Variants in NELL1 observed in about 807,000 individuals in gnomAD.
NELL1 encodes protein kinase C-binding protein NELL1.
In NELL1, 76 loss-of-function variants were observed where a neutral mutation model predicts 107.4. The observed-to-expected ratio is 0.71, with a 90% CI of 0.59 to 0.86. NELL1 has a LOEUF of 0.86. Ranked by LOEUF, NELL1 falls within the 40% of genes least tolerant of loss-of-function variation. NELL1 has a pLI of 0.00. For synonymous variants in NELL1, 353 were observed against 341.2 expected (o/e 1.03, Z -0.38); for missense variants, 1,024 against 1,005.5 (o/e 1.02, Z -0.25).
chr11:21,245,571 C>T (rs965491802), intron 14 of NELL1, among the ~76,000 whole-genome samples: 1 of 152,182 alleles, frequency 6.6e-6, no homozygotes, highest in Non-Finnish European at 1.5e-5. Flanking sequence ...GAATATCACT[C>T]TCTGTCCTGG....
intron 12 of NELL1, among the ~76,000 whole-genome samples, chr11:21,005,069 G>A (rs1852300942): frequency 6.6e-6 from 1 of 152,092 alleles, no homozygotes; most frequent in South Asian, 2.1e-4. Context: ...ATTTGTTTTA[G>A]CTATAGCCCT....
chr11:21,451,404 G>GT (rs1564900501), intron 15 of NELL1, among the ~76,000 whole-genome samples: 1 of 151,992 alleles, frequency 6.6e-6, no homozygotes, highest in African/African-American at 2.4e-5. Context: ...ACTATTAAGT[G>GT]TTAGATTTAG....
intron 13 of NELL1, among the ~76,000 whole-genome samples, chr11:21,116,500 A>G (rs887406175): frequency 1.3e-5 from 2 of 152,028 alleles, no homozygotes; most frequent in African/African-American, 2.4e-5. Flanking sequence ...ACATGTACAC[A>G]TAGATGCTTA....
chr11:21,219,645 A>G (rs1472807412), intron 13 of NELL1, among the ~76,000 whole-genome samples: 1 of 152,106 alleles, frequency 6.6e-6, no homozygotes, highest in Non-Finnish European at 1.5e-5. Context: ...CTTTGAGTTG[A>G]TTTTTGTATA....
At chr11:21,449,409 AGTT>A (rs1485502752) in intron 15 of NELL1, among the ~76,000 whole-genome samples, 6 of 152,004 alleles carry the variant, frequency 3.9e-5, no homozygotes, top group South Asian at 2.1e-4. Flanking sequence ...ATAAAAATGG[AGTT>A]GTTTTCTTTT....
At chr11:21,024,490 T>A (rs1182574526) in intron 12 of NELL1, among the ~76,000 whole-genome samples, 1 of 152,124 alleles carries the variant, frequency 6.6e-6, no homozygotes, top group Non-Finnish European at 1.5e-5. Flanking sequence ...TTAGTTAAAA[T>A]TTATTGTTCA....
intron 3 of NELL1, among the ~76,000 whole-genome samples, chr11:20,785,127 A>G (rs1482351076): frequency 1.3e-5 from 2 of 152,208 alleles, no homozygotes; most frequent in African/African-American, 4.8e-5. Flanking sequence ...GTGAAGAAAT[A>G]TAGAGAAATG....
intron 14 of NELL1, among the ~76,000 whole-genome samples, chr11:21,301,502 T>C (rs187025338): frequency 5.3e-4 from 80 of 152,354 alleles, no homozygotes; most frequent in Admixed American, 5.1e-3. Flanking sequence ...CCAGTGATGA[T>C]GAGCATTTTT....
chr11:20,914,002 T>C (rs142275805), intron 5 of NELL1, among the ~76,000 whole-genome samples: 277 of 152,186 alleles, frequency 1.8e-3, no homozygotes, highest in African/African-American at 6.4e-3. Context: ...TAAAATCTCA[T>C]TTTGATAACA....
chr11:20,870,372 A>G (rs1388694280), intron 4 of NELL1, among the ~76,000 whole-genome samples: 1 of 151,666 alleles, frequency 6.6e-6, no homozygotes, highest in East Asian at 1.9e-4. Context: ...TTTATCATTC[A>G]TTTGGTCTTG....
At chr11:21,161,326 C>T (rs1307174600) in intron 13 of NELL1, among the ~76,000 whole-genome samples, 1 of 152,092 alleles carries the variant, frequency 6.6e-6, no homozygotes, top group African/African-American at 2.4e-5. Flanking sequence ...TCATTTGAGG[C>T]CAGGAGTTCA....
At position 21,574,952 on chromosome 11, in the gene NELL1, C is replaced by T. The variant is rs1857186994; in HGVS notation, c.2383-20C>T. 6.2e-7 allele frequency: 1 copy of T among 1,606,930 alleles called. No individual in the cohort carries two copies. The highest frequency in any genetic ancestry group is 1.3e-5 in the African/African-American group (1 of 74,624). The stretch of plus-strand genomic sequence containing the variant: ...TATTCCATGTCTCAACTGGCTAACA[C>T]ATGTTTCTTTGATGTACAGAATGGA... On this transcript the variant is annotated intron_variant, in intron 19 of 19. Coordinates refer to ENST00000357134, the MANE Select transcript of NELL1 (RefSeq NM_006157.5).
chr11:21,403,403 T>C (rs1852145500), intron 15 of NELL1, among the ~76,000 whole-genome samples: 1 of 151,662 alleles, frequency 6.6e-6, no homozygotes, highest in Admixed American at 6.6e-5. Context: ...TAGTAACTAT[T>C]TTTCACATTA....
intron 13 of NELL1, among the ~76,000 whole-genome samples, chr11:21,176,206 G>A (rs1856708168): frequency 1.3e-5 from 2 of 151,844 alleles, no homozygotes; most frequent in Non-Finnish European, 2.9e-5. Flanking sequence ...TGTCATGAAT[G>A]TTTCTGTCGC....
At chr11:21,321,606 A>G (rs762919497) in intron 14 of NELL1, among the ~76,000 whole-genome samples, 8 of 152,336 alleles carry the variant, frequency 5.3e-5, no homozygotes, top group Middle Eastern at 3.4e-3. Context: ...ATTGTACTAA[A>G]TTCCAGCTCT....
chr11:21,309,302 A>ATATATATAATATATATATATATG (rs1565160588), intron 14 of NELL1, among the ~76,000 whole-genome samples: 5 of 127,914 alleles, frequency 3.9e-5, no homozygotes, highest in African/African-American at 1.5e-4. Context: ...ATATATATGT[A>ATATATATAATATATATATATATG]TATATATATA....
chr11:20,927,442 A>G lies in NELL1; in HGVS notation c.894A>G (p.Lys298=). ...DGDHCRNCTC[K]SGAVECRRMS... ...ACCATTGCAGGAACTGCACTTGCAAAGTAAGCCTCTTTGTAAATAAATACA... is the reference window on the plus strand; with the variant it reads ...ACCATTGCAGGAACTGCACTTGCAAGGTAAGCCTCTTTGTAAATAAATACA... The change falls in exon 8 of 20, where the codon AAA becomes AAG. Residue 298 remains lysine, a splice_region_variant and synonymous_variant. Coordinates refer to ENST00000357134, the MANE Select transcript of NELL1 (RefSeq NM_006157.5). The G allele has an allele frequency of 6.2e-7, 1 of 1,607,542 alleles. No individual in the cohort carries two copies. The highest frequency in any genetic ancestry group is 1.3e-5 in the African/African-American group (1 of 74,750).
intron 15 of NELL1, among the ~76,000 whole-genome samples, chr11:21,399,045 G>A (rs1257853591): frequency 8.7e-5 from 13 of 149,802 alleles, no homozygotes; most frequent in South Asian, 2.1e-4. Flanking sequence ...TCTGAAGAAA[G>A]AAAAAAAAAA....
At chr11:21,087,751 G>A (rs372991594) in intron 12 of NELL1, among the ~76,000 whole-genome samples, 1 of 151,986 alleles carries the variant, frequency 6.6e-6, no homozygotes, top group Non-Finnish European at 1.5e-5. Context: ...GCCTCCTGAC[G>A]GTTTTTTAAA....
Sources: allele counts gnomAD v4.1 joint callset (sites outside exome capture counted in the v4.1 genomes callset), GRCh38; gene constraint gnomAD v4.1.1; transcripts MANE v1.5; gene names NCBI Gene and HGNC (gene_info 2026-07-23, HGNC 2026-07-21).